Variants in MYRIP observed in about 807,000 individuals in gnomAD.
MYRIP encodes the protein myosin VIIA and Rab interacting protein, also known as rab effector MyRIP.
In MYRIP, 49 loss-of-function variants were observed where a neutral mutation model predicts 98.0. The ratio of observed to expected loss-of-function variants is 0.50; its 90% CI spans 0.40 to 0.63. The LOEUF is 0.63. MYRIP is among the 30% of genes least tolerant of loss of function. The probability of loss-of-function intolerance (pLI) is 0.00; values close to 1 mark genes in which losing one functional copy is unlikely to be tolerated. For synonymous variants in MYRIP, 404 were observed against 409.5 expected (o/e 0.99, Z 0.16); for missense variants, 1,004 against 1,058.2 (o/e 0.95, Z 0.71).
intron 2 of MYRIP, among the ~76,000 whole-genome samples, chr3:40,013,421 A>G (rs1436122215): frequency 1.3e-5 from 2 of 152,226 alleles, no homozygotes; most frequent in Non-Finnish European, 2.9e-5. Flanking sequence ...TTAGGAGCCC[A>G]AGCTGTGCAC....
At chr3:39,921,958 T>G (rs1472343250) in intron 2 of MYRIP, among the ~76,000 whole-genome samples, 1 of 152,044 alleles carries the variant, frequency 6.6e-6, no homozygotes, top group East Asian at 1.9e-4. Flanking sequence ...ATGTACTTTT[T>G]TCCATTCTTC....
At chr3:39,997,865 C>T (rs1347224872) in intron 2 of MYRIP, among the ~76,000 whole-genome samples, 1 of 152,132 alleles carries the variant, frequency 6.6e-6, no homozygotes, top group Admixed American at 6.5e-5. Context: ...CCCTGCGATG[C>T]AAGCCTGGTT....
At chr3:40,160,862 C>T (rs902645249) in intron 4 of MYRIP, among the ~76,000 whole-genome samples, 9 of 152,188 alleles carry the variant, frequency 5.9e-5, no homozygotes, top group African/African-American at 1.9e-4. Flanking sequence ...TGCTTCGGTT[C>T]GCACACGGTG....
At chr3:40,109,256 C>A (rs1468587400) in intron 3 of MYRIP, among the ~76,000 whole-genome samples, 1 of 152,170 alleles carries the variant, frequency 6.6e-6, no homozygotes, top group South Asian at 2.1e-4. Context: ...CTCACCACTT[C>A]TGAATAATAA....
rs149577103 is a variant in MYRIP, at chr3:40,076,638, A to C, written c.332+32367A>C. On this transcript the variant is annotated intron_variant, in intron 3 of 16. Transcript: ENST00000302541. Reference sequence around the variant, plus strand: ...ACCTTCTGTACAAAGGGCCTGGCCCAAAACAGGCACACATCATATGTGCTC... The same window carrying C: ...ACCTTCTGTACAAAGGGCCTGGCCCCAAACAGGCACACATCATATGTGCTC... Among the ~76,000 whole-genome samples the C allele has an allele frequency of 4.0e-3, 614 of 152,368 alleles. 2 individuals carry two copies. Among genetic ancestry groups the C allele is most frequent in the Non-Finnish European group, 6.4e-3 (434 of 68,034 alleles).
intron 2 of MYRIP, among the ~76,000 whole-genome samples, chr3:39,940,309 A>G (rs1397740601): frequency 6.6e-6 from 1 of 152,096 alleles, no homozygotes; most frequent in Non-Finnish European, 1.5e-5. Flanking sequence ...GTGCCAGGTA[A>G]TGTCTGAAAT....
intron 2 of MYRIP, among the ~76,000 whole-genome samples, chr3:39,908,924 T>C (rs1424985102): frequency 6.6e-6 from 1 of 152,232 alleles, no homozygotes; most frequent in Non-Finnish European, 1.5e-5. Context: ...CATGGCCTTT[T>C]GTAGCTCTTT....
intron 10 of MYRIP, among the ~76,000 whole-genome samples, chr3:40,192,345 T>TATATATATGTC (rs1559445055): frequency 0.026 from 3,221 of 122,108 alleles, 129 homozygotes; most frequent in South Asian, 0.057. Context: ...ATATATGTCA[T>TATATATATGTC]ATATATATTT....
intron 1 of MYRIP, among the ~76,000 whole-genome samples, chr3:39,816,234 A>G (rs1041636063): frequency 1.3e-5 from 2 of 152,050 alleles, no homozygotes; most frequent in Non-Finnish European, 2.9e-5. Context: ...GGCGCCGGCC[A>G]CCACGCCCAG....
intron 3 of MYRIP, among the ~76,000 whole-genome samples, chr3:40,069,176 T>G (rs1948176404): frequency 6.6e-6 from 1 of 152,150 alleles, no homozygotes; most frequent in Admixed American, 6.5e-5. Flanking sequence ...GAGAGAAACA[T>G]GTCACCACAT....
intron 9 of MYRIP, among the ~76,000 whole-genome samples, chr3:40,185,514 G>A (rs1277652194): frequency 6.6e-6 from 1 of 152,122 alleles, no homozygotes; most frequent in African/African-American, 2.4e-5. Context: ...GGAGACTGTG[G>A]TATTGGAGCA....
At chr3:39,995,083 G>T (rs1413640095) in intron 2 of MYRIP, among the ~76,000 whole-genome samples, 1 of 124,096 alleles carries the variant, frequency 8.1e-6, no homozygotes, top group East Asian at 2.8e-4. Context: ...CCACAAAGAT[G>T]GGGGAAAAAA....
At position 40,036,577 on chromosome 3, in the gene MYRIP, G is replaced by A. The variant is rs185180237; in HGVS notation, c.111-7473G>A. ...AAGAGTTCTGCTATTGATGATTGCT[G>A]AGTAAGCTTCTGTTGGACCAACACT... On this transcript the variant is annotated intron_variant, in intron 2 of 16. Transcript: ENST00000302541. Among the ~76,000 whole-genome samples, 227 of 152,166 alleles carry A rather than the reference G, an allele frequency of 1.5e-3. 1 individual carries two copies. The highest frequency in any genetic ancestry group is 5.3e-3 in the African/African-American group (221 of 41,556).
At chr3:40,003,131 A>G (rs754489517) in intron 2 of MYRIP, among the ~76,000 whole-genome samples, 1 of 150,768 alleles carries the variant, frequency 6.6e-6, no homozygotes, top group Admixed American at 7.0e-5. Flanking sequence ...ATATCTGTAT[A>G]TCTATATATA....
chr3:40,136,655 G>A (rs1162718527), intron 3 of MYRIP, among the ~76,000 whole-genome samples: 7 of 151,636 alleles, frequency 4.6e-5, no homozygotes, highest in Admixed American at 6.6e-5. Context: ...CTCAGCAAAT[G>A]TAAAAGAACA....
At chr3:40,132,076 A>G (rs1228787664) in intron 3 of MYRIP, among the ~76,000 whole-genome samples, 6 of 152,220 alleles carry the variant, frequency 3.9e-5, no homozygotes, top group Non-Finnish European at 8.8e-5. Flanking sequence ...TAAGAAATCA[A>G]TTTTTTTAAT....
chr3:40,188,160 C>T (rs1415845139), intron 9 of MYRIP, among the ~76,000 whole-genome samples: 1 of 152,190 alleles, frequency 6.6e-6, no homozygotes, highest in Non-Finnish European at 1.5e-5. Flanking sequence ...ATATGTTCCA[C>T]CAGCATCTGA....
chr3:40,036,458 A>G (rs1428003790), intron 2 of MYRIP, among the ~76,000 whole-genome samples: 1 of 152,032 alleles, frequency 6.6e-6, no homozygotes, highest in African/African-American at 2.4e-5. Flanking sequence ...CAATAAAGAA[A>G]ATTAACAGAA....
chr3:39,973,156 T>A (rs890531017), intron 2 of MYRIP, among the ~76,000 whole-genome samples: 1 of 151,976 alleles, frequency 6.6e-6, no homozygotes, highest in African/African-American at 2.4e-5. Context: ...TCAGGAAACC[T>A]ATCTCATGTG....
Sources: gnomAD v4.1 joint callset for allele counts (sites outside exome capture counted in the v4.1 genomes callset) on GRCh38, gnomAD v4.1.1 for gene constraint, MANE v1.5 for transcripts, NCBI Gene and HGNC (gene_info 2026-07-23, HGNC 2026-07-21) for gene names.